MCOLN1: variants seen among roughly 807,000 people sequenced by gnomAD.
MCOLN1 encodes the protein mucolipin TRP cation channel 1, also known as mucolipin-1.
Under a neutral mutation model 70.3 loss-of-function variants are expected in MCOLN1, and 50 were observed. That is an observed-to-expected ratio of 0.71 (90% CI 0.57 to 0.90). The LOEUF (loss-of-function observed/expected upper bound fraction) is 0.90, where lower values mean the gene tolerates loss of function less well. MCOLN1 is among the 40% of genes least tolerant of loss of function. The pLI, the probability that MCOLN1 is intolerant of heterozygous loss-of-function variation, is 0.00. For missense variants in MCOLN1, 598 were observed against 803.5 expected (o/e 0.74, Z 3.09); for synonymous variants, 366 against 341.0 (o/e 1.07, Z -0.81).
rs141734002 is a variant in MCOLN1 at position 7,527,736 on chromosome 19, C to T, written c.680+108C>T. The T allele has an allele frequency of 1.7e-3, 1,886 of 1,081,452 alleles. 22 individuals carry two copies. In the Middle Eastern group the frequency reaches 0.023, roughly 13 times the overall value. The allele number at this position is 1,081,452 out of a possible 1,614,324, so 67.0% of individuals were successfully genotyped here. On this transcript the variant is annotated intron_variant, in intron 5 of 13. Transcript: ENST00000264079. ...GGTGGGGACAGGGCCCCCCCGCCCG[C>T]GCTGGTGCCTGCTGGGTGAGCACTT...
At chr19:7,531,490 T>C (rs568246564) in intron 12 of MCOLN1, among the ~76,000 whole-genome samples, 1 of 152,222 alleles carries the variant, frequency 6.6e-6, no homozygotes, top group South Asian at 2.1e-4. Flanking sequence ...CATGAGCCAC[T>C]GAACCCAGCT....
rs774371785 is a variant in MCOLN1, at chr19:7,533,975, T to C, written c.*180T>C. Reference sequence around the variant, plus strand: ...GAGACTGGGTGGGGAGGGTGTTGAATAAAAGGGAAAATAAATGTGTCGTTT... The same window carrying C: ...GAGACTGGGTGGGGAGGGTGTTGAACAAAAGGGAAAATAAATGTGTCGTTT... On this transcript the variant is annotated 3_prime_UTR_variant, in exon 14 of 14. Coordinates refer to ENST00000264079, the MANE Select transcript of MCOLN1 (RefSeq NM_020533.3). The C allele has an allele frequency of 1.4e-4, 95 of 699,108 alleles. No homozygotes were observed. Among genetic ancestry groups the C allele is most frequent in the Non-Finnish European group, 2.2e-4 (86 of 399,630 alleles). 43.3% of individuals were successfully genotyped at this position (699,108 alleles called of 1,614,324 possible). A position where few individuals can be genotyped will look rare whatever the true frequency, so the allele number is the denominator to read the frequency against.
Position 7,528,079 on chromosome 19 carries a change from G to A in MCOLN1, c.778-79G>A. ...CGGGTGATGAGGGAGGGAGCCCGGG[G>A]TCTGTCAGGCCACCTGTCATGTGGA... is the stretch of plus-strand genomic sequence containing the variant. On this transcript the variant is annotated intron_variant, in intron 6 of 13. Coordinates refer to ENST00000264079, the MANE Select transcript of MCOLN1 (RefSeq NM_020533.3). The surrounding 1 kb of genome is among the most constrained non-coding windows in gnomAD (Gnocchi z 4.2). 1.9e-6 allele frequency: 3 copies of A among 1,548,804 alleles called. No homozygotes were observed. Among genetic ancestry groups the A allele is most frequent in the African/African-American group, 2.7e-5 (2 of 73,614 alleles).
chr19:7,528,208 G>A lies in MCOLN1; in HGVS notation c.828G>A (p.Glu276=). The A allele has an allele frequency of 5.6e-6, 9 of 1,614,104 alleles. No homozygotes were observed. Among genetic ancestry groups the A allele is most frequent in the Non-Finnish European group, 7.6e-6 (9 of 1,179,974 alleles). The part of the protein sequence containing the change: ...AHSGRIPISL[E]TQAHIQECKH... ...GTGGGCGGATCCCCATCAGCCTGGA[G>A]ACCCAGGCCCACATCCAGGAGTGTA... is the stretch of plus-strand genomic sequence containing the variant. The change falls in exon 7 of 14, where the codon GAG becomes GAA. Residue 276 remains glutamate, a synonymous_variant. Coordinates refer to ENST00000264079, the MANE Select transcript of MCOLN1 (RefSeq NM_020533.3). The surrounding 1 kb of genome is among the most constrained non-coding windows in gnomAD (Gnocchi z 4.2).
At chr19:7,532,741 A>T (rs974259452) in intron 12 of MCOLN1, among the ~76,000 whole-genome samples, 1 of 152,188 alleles carries the variant, frequency 6.6e-6, no homozygotes, top group African/African-American at 2.4e-5. Flanking sequence ...TTTTTTAAAA[A>T]TTTTAATTCA....
In MCOLN1 at chr19:7,527,566, C is replaced by T. The variant is rs200644134; in HGVS notation, c.618C>T (p.Ser206=). 8.7e-6 allele frequency: 14 copies of T among 1,612,584 alleles called. No homozygotes were observed. Among genetic ancestry groups the T allele is most frequent in the African/African-American group, 5.3e-5 (4 of 74,894 alleles). ...CCGAGCGGCCCCCTCCGCCCCCCAG[C>T]GACGATCTCACCCTCTTGGAAAGCA... ...DPPERPPPPP[S]DDLTLLESSS... Residue 206 remains serine (S), a synonymous_variant, in exon 5 of 14, where the codon AGC becomes AGT. Coordinates refer to ENST00000264079, the MANE Select transcript of MCOLN1 (RefSeq NM_020533.3).
intron 10 of MCOLN1, 75 bp downstream of exon 10, chr19:7,529,277 C>A: frequency 7.6e-7 from 1 of 1,308,520 alleles, no homozygotes; most frequent in Non-Finnish European, 1.1e-6. Context: ...ACACACGCAG[C>A]CCTCACCAGC....
Position 7,528,398 on chromosome 19 carries a change from C to T in MCOLN1, c.877+141C>T, listed in dbSNP as rs1262927629. On this transcript the variant is annotated intron_variant, in intron 7 of 13. Transcript: ENST00000264079. This position sits in a 1 kb window ranked among gnomAD's most constrained non-coding sequence, Gnocchi z 4.2. ...CCTCAGATCAGCACAGACCAGGGACCCCGTCCTGTGCTGAGATCCCCCAAG... is the reference window on the plus strand; with the variant it reads ...CCTCAGATCAGCACAGACCAGGGACTCCGTCCTGTGCTGAGATCCCCCAAG... 7.8e-5 allele frequency: 78 copies of T among 998,398 alleles called. No homozygotes were observed. In the Middle Eastern group the frequency reaches 1.8e-3, roughly 23 times the overall value. The allele number at this position is 998,398 out of a possible 1,614,324, so 61.8% of individuals were successfully genotyped here.
rs138579701 is a variant in MCOLN1 at position 7,524,801 on chromosome 19, A to G, written c.32-160A>G. Among the ~76,000 whole-genome samples, 26 of 152,144 alleles carry G rather than the reference A, an allele frequency of 1.7e-4. No individual in the cohort carries two copies. Among genetic ancestry groups the G allele is most frequent in the African/African-American group, 6.0e-4 (25 of 41,492 alleles). On this transcript the variant is annotated intron_variant, in intron 1 of 13. Transcript: ENST00000264079. This position sits in a 1 kb window ranked among gnomAD's most constrained non-coding sequence, Gnocchi z 4.1. ...GCAGGACGGGTGCATAGATACCTAC[A>G]ATGTCACAGGTTTTCTGGTTTTCTT...
In MCOLN1 at chr19:7,533,649, G is replaced by T; in HGVS notation, c.1702G>T (p.Gly568Ter). Reference protein sequence around the residue: ...GSACSLLCCCGRDPSEEHSLL... With the variant: ...GSACSLLCCC ...GGCCTGCAGCCTTCTCTGCTGCTGC[G>T]GAAGGTTCGAGTCCCGGGTCTGGCA... Residue 568 changes from glycine to a stop codon, truncating the protein, a stop_gained, in exon 13 of 14, where the codon GGA becomes TGA. Transcript: ENST00000264079. LOFTEE classifies it high-confidence loss of function. 2 of 1,613,508 alleles carry T rather than the reference G, an allele frequency of 1.2e-6. No individual in the cohort carries two copies. Among genetic ancestry groups the T allele is most frequent in the East Asian group, 2.2e-5 (1 of 44,860 alleles).
rs775692310 is a variant in MCOLN1, at chr19:7,528,936, C to T, written c.1100C>T (p.Ser367Leu). The change falls in exon 9 of 14, where the codon TCG (serine) becomes TTG (leucine). Residue 367 changes from serine to leucine, a missense_variant. Coordinates refer to ENST00000264079, the MANE Select transcript of MCOLN1 (RefSeq NM_020533.3). The surrounding 1 kb of genome is among the most constrained non-coding windows in gnomAD (Gnocchi z 4.2). ...LLVTSDVLTI[S>L]GTIMKIGIEA... The stretch of plus-strand genomic sequence containing the variant: ...GTCACCAGCGATGTGCTCACCATCT[C>T]GGGCACCATCATGAAGATCGGCATC... The T allele has an allele frequency of 1.1e-5, 17 of 1,614,072 alleles. No homozygotes were observed. Among genetic ancestry groups the T allele is most frequent in the Admixed American group, 1.7e-5 (1 of 60,008 alleles).
rs148240167 is a variant in MCOLN1 at position 7,528,828 on chromosome 19, T to G, written c.992T>G (p.Val331Gly). Residue 331 changes from valine to glycine, a missense_variant, in exon 9 of 14, where the codon GTG (valine) becomes GGG (glycine). Val to Gly is a moderately radical substitution (Grantham distance 109). Around this residue, in one of 3 missense-constraint regions of MCOLN1, gnomAD observed 461 missense variants for 588.4 expected, o/e 0.78. Transcript: ENST00000264079. This position sits in a 1 kb window ranked among gnomAD's most constrained non-coding sequence, Gnocchi z 4.2. ...CCCGCCTGCCTTCTGCAGGAGTTTG[T>G]GGGGTTCATGTGGCGGCAGCGGGGA... ...LRGFLLQNEF[V>G]GFMWRQRGRV... is the part of the protein sequence containing the mutation. 42 of 1,614,200 alleles carry G rather than the reference T, an allele frequency of 2.6e-5. No homozygotes were observed. In the African/African-American group the frequency reaches 2.8e-4, roughly 11 times the overall value.
chr19:7,529,569 G>T (rs765103022), intron 10 of MCOLN1, 21 bp from the exon 11 acceptor site: 15 of 1,576,456 alleles, frequency 9.5e-6, no homozygotes, highest in African/African-American at 1.4e-5. Context: ...CCTCAACGAG[G>T]CTCCCTCTGC....
intron 10 of MCOLN1, 84 bp from the exon 11 acceptor site, chr19:7,529,506 G>GGTGCCC: frequency 3.6e-6 from 1 of 280,230 alleles, no homozygotes; most frequent in Non-Finnish European, 6.4e-6. Flanking sequence ...GCAAGGCCCC[G>GGTGCCC]CCCCTCCCAC....
intron 9 of MCOLN1, 53 bp from the exon 10 acceptor site, chr19:7,529,048 G>A: frequency 6.2e-7 from 1 of 1,613,058 alleles, no homozygotes; most frequent in South Asian, 1.1e-5. Context: ...CCTCCCCCAG[G>A]CCCCCCAAAG....
intron 5 of MCOLN1, 109 bp downstream of exon 5, chr19:7,527,737 G>A (rs768723071): frequency 8.4e-6 from 9 of 1,065,534 alleles, no homozygotes; most frequent in African/African-American, 3.1e-5. Context: ...CCCCGCCCGC[G>A]CTGGTGCCTG....
intron 12 of MCOLN1, among the ~76,000 whole-genome samples, chr19:7,532,477 G>A (rs3760674): frequency 1.3e-5 from 2 of 151,910 alleles, no homozygotes; most frequent in African/African-American, 4.9e-5. Flanking sequence ...GGAGGCCGAG[G>A]GGGGGTGGGG....
Position 7,525,060 on chromosome 19 carries a change from G to C in MCOLN1, c.131G>C (p.Arg44Pro). Reference protein sequence around the residue: ...TPPEEEDLRRRLKYFFMSPCD... With the variant: ...TPPEEEDLRRPLKYFFMSPCD... The stretch of plus-strand genomic sequence containing the variant: ...CCAGAAGAGGAAGACCTTCGCCGTC[G>C]TCTCAAATACTTTTTCATGAGTCCC... The change falls in exon 2 of 14, where the codon CGT becomes CCT. Residue 44 changes from arginine (R) to proline (P), a missense_variant. Physicochemically the swap from Arg to Pro is moderately radical, Grantham distance 103 (BLOSUM62 -2). Around this residue, in one of 3 missense-constraint regions of MCOLN1, gnomAD observed 461 missense variants for 588.4 expected, o/e 0.78. Coordinates refer to ENST00000264079, the MANE Select transcript of MCOLN1 (RefSeq NM_020533.3). This position sits in a 1 kb window ranked among gnomAD's most constrained non-coding sequence, Gnocchi z 4.2. The C allele has an allele frequency of 6.2e-7, 1 of 1,614,130 alleles. No individual in the cohort carries two copies. The highest frequency in any genetic ancestry group is 1.7e-5 in the Admixed American group (1 of 60,022).
chr19:7,527,086 GC>G lies in MCOLN1; in HGVS notation c.571+162del, dbSNP rs2022582443. 3.3e-6 allele frequency: 3 copies of G among 905,976 alleles called. No individual in the cohort carries two copies. The African/African-American group carries it at 4.9e-5, about 15-fold the overall frequency. The allele number at this position is 905,976 out of a possible 1,614,324, so 56.1% of individuals were successfully genotyped here. ...GGCCAGAAGTTTGAGACCAGCCTGGGCCACGTAGGAAGACCTTGTCTCTACG... is the reference window on the plus strand; with the variant it reads ...GGCCAGAAGTTTGAGACCAGCCTGGGCACGTAGGAAGACCTTGTCTCTACG... On this transcript the variant is annotated intron_variant, in intron 4 of 13. Transcript: ENST00000264079.
Sources: allele counts gnomAD v4.1 joint callset (sites outside exome capture counted in the v4.1 genomes callset), GRCh38; gene constraint gnomAD v4.1.1; regional missense constraint gnomAD v4.1.1; non-coding constraint Gnocchi (gnomAD v3.1); transcripts MANE v1.5; gene names NCBI Gene and HGNC (gene_info 2026-07-23, HGNC 2026-07-21).